GPATCH2: variants seen among roughly 807,000 people sequenced by gnomAD.
GPATCH2 encodes G patch domain-containing protein 2.
A neutral mutation model predicts 58.0 loss-of-function variants in GPATCH2; 51 were observed. The observed-to-expected ratio is 0.88, with a 90% CI of 0.70 to 1.11. GPATCH2 has a LOEUF of 1.11. GPATCH2 is among the 50% of genes most tolerant of loss of function. GPATCH2 has a pLI of 0.00. For synonymous variants in GPATCH2, 222 were observed against 218.5 expected (o/e 1.02, Z -0.14); for missense variants, 625 against 652.2 (o/e 0.96, Z 0.45).
chr1:217,588,095 T>C (rs1257185483), intron 5 of GPATCH2, among the ~76,000 whole-genome samples: 1 of 152,156 alleles, frequency 6.6e-6, no homozygotes, highest in African/African-American at 2.4e-5. Context: ...TATGGACATA[T>C]AGAAATCAGA....
chr1:217,445,293 A>G (rs1196346580), intron 9 of GPATCH2, among the ~76,000 whole-genome samples: 2 of 152,152 alleles, frequency 1.3e-5, no homozygotes, highest in African/African-American at 4.8e-5. Flanking sequence ...TTCATACTGT[A>G]CAGTGGACAA....
chr1:217,609,184 C>A, intron 5 of GPATCH2: 3 of 981,714 alleles, frequency 3.1e-6, no homozygotes, highest in Non-Finnish European at 3.6e-6. Context: ...CTAAATTATA[C>A]CATCAATAGA....
At chr1:217,431,950 C>A (rs1658557666) in intron 9 of GPATCH2, among the ~76,000 whole-genome samples, 1 of 152,052 alleles carries the variant, frequency 6.6e-6, no homozygotes, top group African/African-American at 2.4e-5. Context: ...GTAACATATG[C>A]CTCCTTTAGT....
intron 5 of GPATCH2, among the ~76,000 whole-genome samples, chr1:217,603,654 A>G (rs1445601098): frequency 4.6e-5 from 7 of 151,844 alleles, no homozygotes; most frequent in Admixed American, 4.6e-4. Flanking sequence ...ATGGAGTCTC[A>G]CTCTGTTGCC....
chr1:217,620,283 G>GC lies in GPATCH2; in HGVS notation c.272dup (p.Ser92LeufsTer2). The GC allele has an allele frequency of 6.2e-7, 1 of 1,613,654 alleles. No individual in the cohort carries two copies. The highest frequency in any genetic ancestry group is 8.5e-7 in the Non-Finnish European group (1 of 1,179,670). ...TTGGTTCTTCTAAACTAGAATCAGA[G>GC]CCTTCACTTAAGCAGTGACCAGTCT... On this transcript the variant is annotated frameshift_variant, in exon 2 of 10. Coordinates refer to ENST00000366935, the MANE Select transcript of GPATCH2 (RefSeq NM_018040.5). LOFTEE classifies it high-confidence loss of function.
chr1:217,449,270 A>C lies in GPATCH2; in HGVS notation c.1345T>G (p.Leu449Val). The change falls in exon 9 of 10, where the codon TTG becomes GTG. Residue 449 changes from leucine (L) to valine (V), a missense_variant. Transcript: ENST00000366935. Reference protein sequence around the residue: ...DIKRRRKAAPLPGPTTAGFVG... With the variant: ...DIKRRRKAAPVPGPTTAGFVG... ...TTACCTGCAGTAGTAGGTCCAGGCAAAGGTGCAGCTTTTCTTCTCCGTTTG... is the reference window on the plus strand; with the variant it reads ...TTACCTGCAGTAGTAGGTCCAGGCACAGGTGCAGCTTTTCTTCTCCGTTTG... 2 of 1,603,714 alleles carry C rather than the reference A, an allele frequency of 1.2e-6. No individual in the cohort carries two copies. The highest frequency in any genetic ancestry group is 1.7e-6 in the Non-Finnish European group (2 of 1,170,484).
intron 5 of GPATCH2, among the ~76,000 whole-genome samples, chr1:217,604,821 TTCGAGACCA>T (rs1668280039): frequency 2.0e-5 from 3 of 151,688 alleles, no homozygotes. Flanking sequence ...AGGTTAGGAG[TTCGAGACCA>T]GCCTAGCCAA....
At chr1:217,464,740 G>C (rs187710154) in intron 8 of GPATCH2, among the ~76,000 whole-genome samples, 93 of 152,256 alleles carry the variant, frequency 6.1e-4, no homozygotes, top group African/African-American at 2.1e-3. Flanking sequence ...ATTTTGATTG[G>C]TTTATGAAAA....
At chr1:217,584,411 C>G (rs1667241077) in intron 5 of GPATCH2, among the ~76,000 whole-genome samples, 1 of 149,008 alleles carries the variant, frequency 6.7e-6, no homozygotes, top group Non-Finnish European at 1.5e-5. Flanking sequence ...CACCCGTAAT[C>G]CCAGCTACTT....
At chr1:217,448,618 C>T (rs573769925) in intron 9 of GPATCH2, among the ~76,000 whole-genome samples, 28 of 152,286 alleles carry the variant, frequency 1.8e-4, no homozygotes, top group South Asian at 6.2e-4. Flanking sequence ...CTGTCCTCTC[C>T]GATCTACAGT....
chr1:217,545,320 A>C (rs1664980713), intron 5 of GPATCH2, among the ~76,000 whole-genome samples: 1 of 152,188 alleles, frequency 6.6e-6, no homozygotes, highest in South Asian at 2.1e-4. Context: ...GTCAATGGAC[A>C]AGCACTACCA....
chr1:217,451,314 A>G (rs1017492837), intron 8 of GPATCH2, among the ~76,000 whole-genome samples: 1 of 152,190 alleles, frequency 6.6e-6, no homozygotes, highest in East Asian at 1.9e-4. Context: ...TATGGAATCT[A>G]TTTTACAACT....
rs141790823 is a variant in GPATCH2 at position 217,518,014 on chromosome 1, C to A, written c.1099-3125G>T. ...TGATAAACTTAGACATCACATTACA[C>A]GCCCTGAATTCTTATGATTCATTTG... On this transcript the variant is annotated intron_variant, in intron 5 of 9. Coordinates refer to ENST00000366935, the MANE Select transcript of GPATCH2 (RefSeq NM_018040.5). Among the ~76,000 whole-genome samples, 5 of 152,056 alleles carry A rather than the reference C, an allele frequency of 3.3e-5. No homozygotes were observed. The South Asian group carries it at 6.2e-4, about 19-fold the overall frequency.
intron 5 of GPATCH2, among the ~76,000 whole-genome samples, chr1:217,558,433 T>C (rs1665750163): frequency 6.6e-6 from 1 of 152,218 alleles, no homozygotes; most frequent in Non-Finnish European, 1.5e-5. Context: ...AATTTCATGA[T>C]CTTTTGTTGT....
At chr1:217,611,359 T>C (rs1668620988) in intron 3 of GPATCH2, among the ~76,000 whole-genome samples, 1 of 149,198 alleles carries the variant, frequency 6.7e-6, no homozygotes, top group Non-Finnish European at 1.5e-5. Flanking sequence ...ATACAATCTA[T>C]AAGGAAAACT....
chr1:217,618,963 G>GAA lies in GPATCH2; in HGVS notation c.773+818_773+819dup, dbSNP rs139260019. The stretch of plus-strand genomic sequence containing the variant: ...GGGAAACAGAGTGAGTCTCTATCTC[G>GAA]AAAAAAAAAAAAAGATAGCAGCCCT... On this transcript the variant is annotated intron_variant, in intron 2 of 9. Transcript: ENST00000366935. 4.6e-3 allele frequency among the ~76,000 whole-genome samples: 633 copies of GAA among 138,068 alleles called. 5 individuals are homozygous for GAA. Among genetic ancestry groups the GAA allele is most frequent in the African/African-American group, 0.015 (569 of 37,302 alleles). The allele number at this position is 138,068 out of a possible 152,430, so 90.6% of individuals were successfully genotyped here. A position where few individuals can be genotyped will look rare whatever the true frequency, so the allele number is the denominator to read the frequency against.
At chr1:217,439,687 C>G (rs1038631674) in intron 9 of GPATCH2, among the ~76,000 whole-genome samples, 6 of 152,122 alleles carry the variant, frequency 3.9e-5, no homozygotes, top group African/African-American at 1.4e-4. Context: ...GGGGATATCA[C>G]CACTGATCCC....
At chr1:217,623,164 AT>A (rs1669282820) in intron 1 of GPATCH2, among the ~76,000 whole-genome samples, 1 of 152,132 alleles carries the variant, frequency 6.6e-6, no homozygotes, top group Admixed American at 6.6e-5. Flanking sequence ...CTCTCTCTCT[AT>A]TATCTGGTTC....
At chr1:217,545,712 G>A (rs748033302) in intron 5 of GPATCH2, among the ~76,000 whole-genome samples, 3 of 152,154 alleles carry the variant, frequency 2.0e-5, no homozygotes, top group Non-Finnish European at 2.9e-5. Flanking sequence ...ACAAGCCAGG[G>A]AATCGTGAGG....
Sources: gnomAD v4.1 joint callset for allele counts (sites outside exome capture counted in the v4.1 genomes callset) on GRCh38, gnomAD v4.1.1 for gene constraint, MANE v1.5 for transcripts, NCBI Gene and HGNC (gene_info 2026-07-23, HGNC 2026-07-21) for gene names.